The following TASP1 variants were observed in gnomAD, a reference collection of about 807,000 sequenced individuals.
The protein encoded by TASP1 is taspase 1, also known as threonine aspartase 1.
Under a neutral mutation model 56.6 loss-of-function variants are expected in TASP1, and 16 were observed. The ratio of observed to expected loss-of-function variants is 0.28; its 90% confidence interval spans 0.19 to 0.43. TASP1 has a LOEUF of 0.43. TASP1 is among the 20% of genes least tolerant of loss of function. The pLI, the probability that TASP1 is intolerant of heterozygous loss-of-function variation, is 1.00. For synonymous variants in TASP1, 179 were observed against 184.2 expected (o/e 0.97, Z 0.23); for missense variants, 393 against 511.6 (o/e 0.77, Z 2.24).
At chr20:13,606,961 T>C (rs1223399062) in intron 4 of TASP1, among the ~76,000 whole-genome samples, 4 of 152,174 alleles carry the variant, frequency 2.6e-5, no homozygotes, top group Non-Finnish European at 5.9e-5. Context: ...GTAATTATTG[T>C]GAGCTATAAC....
chr20:13,137,066 G>C, the TASP1 span, among the ~76,000 whole-genome samples: 3 of 152,046 alleles, frequency 2.0e-5, no homozygotes, highest in East Asian at 5.8e-4. Context: ...CTGCAAATTA[G>C]AGCTAAGTCC....
the TASP1 span, among the ~76,000 whole-genome samples, chr20:13,248,105 T>C: frequency 1.3e-5 from 2 of 152,226 alleles, no homozygotes; most frequent in Non-Finnish European, 2.9e-5. Flanking sequence ...AGAAATGAGC[T>C]AAAGCCAGCA....
intron 12 of TASP1, among the ~76,000 whole-genome samples, chr20:13,423,409 A>C (rs2042513450): frequency 6.6e-6 from 1 of 152,192 alleles, no homozygotes; most frequent in Non-Finnish European, 1.5e-5. Context: ...GGTTCTTTAT[A>C]GTCTACTTAT....
intron 12 of TASP1, among the ~76,000 whole-genome samples, chr20:13,434,599 A>C (rs1270486474): frequency 6.6e-6 from 1 of 152,180 alleles, no homozygotes; most frequent in Non-Finnish European, 1.5e-5. Context: ...CCAATGCACG[A>C]AGGTGTCATG....
the TASP1 span, among the ~76,000 whole-genome samples, chr20:13,285,904 C>T: frequency 6.6e-6 from 1 of 152,054 alleles, no homozygotes; most frequent in Admixed American, 6.5e-5. Flanking sequence ...CTCTACATTG[C>T]GATAATGGAG....
At chr20:13,619,496 A>G (rs1385443272) in intron 4 of TASP1, among the ~76,000 whole-genome samples, 5 of 152,212 alleles carry the variant, frequency 3.3e-5, no homozygotes, top group Non-Finnish European at 7.3e-5. Flanking sequence ...GAATCCATGA[A>G]ACACTTTCTA....
At chr20:13,374,493 C>T in the TASP1 span, among the ~76,000 whole-genome samples, 7 of 152,068 alleles carry the variant, frequency 4.6e-5, no homozygotes, top group South Asian at 4.2e-4. Context: ...GGACTACAGG[C>T]GCCCGCCACC....
At chr20:13,516,331 G>A (rs1415893111) in intron 10 of TASP1, among the ~76,000 whole-genome samples, 1 of 152,138 alleles carries the variant, frequency 6.6e-6, no homozygotes, top group Non-Finnish European at 1.5e-5. Flanking sequence ...ATGCTTTCAA[G>A]TCAGGAAATT....
chr20:13,456,696 G>T (rs1483679984), intron 11 of TASP1, among the ~76,000 whole-genome samples: 2 of 151,836 alleles, frequency 1.3e-5, no homozygotes, highest in African/African-American at 2.4e-5. Context: ...TGACATCAGT[G>T]GCATTGAAAG....
chr20:13,557,588 T>G (rs893265564), intron 8 of TASP1, among the ~76,000 whole-genome samples: 23 of 142,114 alleles, frequency 1.6e-4, no homozygotes, highest in African/African-American at 5.9e-4. Flanking sequence ...TTTTTTTTTT[T>G]TTTTTTTTTT....
the TASP1 span, among the ~76,000 whole-genome samples, chr20:13,119,256 G>T: frequency 6.6e-6 from 1 of 152,114 alleles, no homozygotes; most frequent in Non-Finnish European, 1.5e-5. Flanking sequence ...TGAATAAACC[G>T]AAGCAAGCCA....
Position 13,534,083 on chromosome 20 carries a change from T to C in TASP1, c.734A>G (p.Asn245Ser). ...TCCACTGGAGACAGCAGCAGCAACA[T>C]TCCCTTCGTGGTCCACAACCACAGC... is the stretch of plus-strand genomic sequence containing the variant. ...VGAVVVDHEG[N>S]VAAAVSSGGL... is the part of the protein sequence containing the mutation. The change falls in exon 9 of 14, where the codon AAT becomes AGT. Residue 245 changes from asparagine (N) to serine (S), a missense_variant. By Grantham distance (46) the Asn-to-Ser change is conservative. This residue lies in a region of TASP1 where 293 missense variants were observed against 354.2 expected (regional missense o/e 0.83). Transcript: ENST00000337743. 6.2e-7 allele frequency: 1 copy of C among 1,613,690 alleles called. No homozygotes were observed.
chr20:13,335,324 GCACACA>G, the TASP1 span, among the ~76,000 whole-genome samples: 45,888 of 141,470 alleles, frequency 0.32, 7,679 homozygotes, highest in Admixed American at 0.43. Flanking sequence ...CCTCACCTAT[GCACACA>G]CACACACACA....
At chr20:13,307,350 A>G in the TASP1 span, among the ~76,000 whole-genome samples, 1 of 152,196 alleles carries the variant, frequency 6.6e-6, no homozygotes, top group Non-Finnish European at 1.5e-5. Context: ...GGCTCAATGA[A>G]TTTTCACAAA....
the TASP1 span, among the ~76,000 whole-genome samples, chr20:13,364,041 G>A: frequency 6.6e-6 from 1 of 151,512 alleles, no homozygotes; most frequent in Non-Finnish European, 1.5e-5. Context: ...TAAGGTTTGG[G>A]ATATTTTTTC....
At chr20:13,176,576 AT>A in the TASP1 span, among the ~76,000 whole-genome samples, 1 of 150,634 alleles carries the variant, frequency 6.6e-6, no homozygotes. Context: ...ATCATGGTGT[AT>A]TTTTTTTTGA....
intron 6 of TASP1, among the ~76,000 whole-genome samples, chr20:13,576,101 C>T (rs2046895196): frequency 6.7e-6 from 1 of 150,242 alleles, no homozygotes; most frequent in South Asian, 2.1e-4. Context: ...ACTCAGGAGG[C>T]TGAGGCAGGA....
At chr20:13,318,824 C>T in the TASP1 span, among the ~76,000 whole-genome samples, 1 of 152,010 alleles carries the variant, frequency 6.6e-6, no homozygotes, top group Non-Finnish European at 1.5e-5. Context: ...CTAGAAAAGG[C>T]AAAACTATGA....
At chr20:13,471,274 A>G (rs528420591) in intron 11 of TASP1, among the ~76,000 whole-genome samples, 2 of 152,276 alleles carry the variant, frequency 1.3e-5, no homozygotes, top group African/African-American at 4.8e-5. Context: ...GAAGTACCAT[A>G]AATCATGGAA....
Sources: allele counts gnomAD v4.1 joint callset (sites outside exome capture counted in the v4.1 genomes callset), GRCh38; gene constraint gnomAD v4.1.1; regional missense constraint gnomAD v4.1.1; transcripts MANE v1.5; gene names NCBI Gene and HGNC (gene_info 2026-07-23, HGNC 2026-07-21).